CACNA2D1: variants seen among roughly 807,000 people sequenced by gnomAD.
CACNA2D1 encodes the protein voltage-dependent calcium channel subunit alpha-2/delta-1.
A neutral mutation model predicts 171.5 loss-of-function variants in CACNA2D1; 53 were observed. That is an observed-to-expected ratio of 0.31 (90% CI 0.25 to 0.39). The LOEUF is 0.39. Among genes scored for constraint, CACNA2D1 ranks in the 10% least tolerant of loss-of-function variants. CACNA2D1 has a pLI of 1.00. For synonymous variants in CACNA2D1, 442 were observed against 443.1 expected, an observed-to-expected ratio of 1.00 and a Z score of 0.03; for missense variants, 903 against 1,299.8, an observed-to-expected ratio of 0.69 and a Z score of 4.69.
At chr7:82,016,379 G>A (rs150899200) in intron 12 of CACNA2D1, among the ~76,000 whole-genome samples, 9 of 152,070 alleles carry the variant, frequency 5.9e-5, no homozygotes, top group East Asian at 3.9e-4. Flanking sequence ...AATTTTCAAC[G>A]GAAGCATGGC....
intron 3 of CACNA2D1, among the ~76,000 whole-genome samples, chr7:82,234,762 C>T (rs932728830): frequency 1.3e-5 from 2 of 152,084 alleles, no homozygotes; most frequent in African/African-American, 4.8e-5. Context: ...AACATACAAA[C>T]CTGATTTTTG....
At chr7:82,185,772 T>G (rs1042761716) in intron 3 of CACNA2D1, among the ~76,000 whole-genome samples, 8 of 152,028 alleles carry the variant, frequency 5.3e-5, no homozygotes, top group Non-Finnish European at 1.0e-4. Flanking sequence ...TTTAAGAGAT[T>G]TATTAATATT....
Position 82,415,915 on chromosome 7 carries a change from T to C in CACNA2D1, c.95+27450A>G, listed in dbSNP as rs535147408. Among the ~76,000 whole-genome samples, 5 of 152,062 alleles carry C rather than the reference T, an allele frequency of 3.3e-5. No homozygotes were observed. In the South Asian group the frequency reaches 1.0e-3, roughly 32 times the overall value. On this transcript the variant is annotated intron_variant, in intron 1 of 38. Coordinates refer to ENST00000356860, the MANE Select transcript of CACNA2D1 (RefSeq NM_000722.4). ...TGAATACTAAATAAAGGAATTATTT[T>C]AGAATTCCTTTAGAATTACAGGTGT...
intron 3 of CACNA2D1, among the ~76,000 whole-genome samples, chr7:82,333,224 C>A (rs543653376): frequency 9.9e-5 from 15 of 152,218 alleles, no homozygotes; most frequent in African/African-American, 3.6e-4. Flanking sequence ...TCCCAGTAGA[C>A]ATTTTCCTGG....
chr7:82,334,834 G>A (rs906786970), intron 3 of CACNA2D1, among the ~76,000 whole-genome samples: 2 of 152,018 alleles, frequency 1.3e-5, no homozygotes, highest in African/African-American at 4.8e-5. Flanking sequence ...GTATCATGAT[G>A]TACATATGGA....
chr7:82,169,046 T>C (rs948770069), intron 4 of CACNA2D1, among the ~76,000 whole-genome samples: 4 of 152,102 alleles, frequency 2.6e-5, no homozygotes, highest in African/African-American at 7.2e-5. Flanking sequence ...ACGCTTTATG[T>C]TGTGGGACAT....
At chr7:82,365,110 A>G (rs936800008) in intron 1 of CACNA2D1, among the ~76,000 whole-genome samples, 2 of 152,204 alleles carry the variant, frequency 1.3e-5, no homozygotes, top group African/African-American at 2.4e-5. Flanking sequence ...AGGGACAAGG[A>G]CATCTGGAAG....
intron 1 of CACNA2D1, among the ~76,000 whole-genome samples, chr7:82,413,077 T>C (rs1827837606): frequency 6.6e-6 from 1 of 152,186 alleles, no homozygotes; most frequent in South Asian, 2.1e-4. Context: ...CCCATATCTA[T>C]ATATTATTTC....
chr7:82,019,106 G>A (rs955096500), intron 12 of CACNA2D1, among the ~76,000 whole-genome samples: 2 of 151,850 alleles, frequency 1.3e-5, no homozygotes, highest in African/African-American at 4.8e-5. Flanking sequence ...TGGATCATGA[G>A]GTCAGGAGAT....
chr7:82,443,284 C>G, intron 1 of CACNA2D1, 81 bp downstream of exon 1: 1 of 1,417,762 alleles, frequency 7.1e-7, no homozygotes, highest in Non-Finnish European at 9.6e-7. Flanking sequence ...CGGAAAAGCC[C>G]CGCGACTCGG....
intron 1 of CACNA2D1, among the ~76,000 whole-genome samples, chr7:82,364,345 A>G (rs1356927602): frequency 6.6e-6 from 1 of 152,200 alleles, no homozygotes; most frequent in African/African-American, 2.4e-5. Flanking sequence ...TAGCTCAAGA[A>G]GTTCATAGCA....
At chr7:82,049,126 T>TAAAA (rs10652736) in intron 10 of CACNA2D1, among the ~76,000 whole-genome samples, 22 of 138,998 alleles carry the variant, frequency 1.6e-4, no homozygotes, top group Admixed American at 2.2e-4. Flanking sequence ...TGGCAACTCA[T>TAAAA]AAAAAAAAAA....
rs61203066 is a variant in CACNA2D1, at chr7:82,400,363, C to T, written c.95+43002G>A. ...GGAATGTTCTTCCATTTGTTTGTAT[C>T]CTCTTTTATTTCCTTGAGCAGTGAT... On this transcript the variant is annotated intron_variant, in intron 1 of 38. Transcript: ENST00000356860. Among the ~76,000 whole-genome samples, 509 of 151,950 alleles carry T rather than the reference C, an allele frequency of 3.3e-3. 1 individual carries two copies. Among genetic ancestry groups the T allele is most frequent in the African/African-American group, 0.012 (488 of 41,438 alleles).
In CACNA2D1 at chr7:82,251,554, TG is replaced by T. The variant is rs1189767092; in HGVS notation, c.295-80946del. Among the ~76,000 whole-genome samples, 3 of 152,312 alleles carry T rather than the reference TG, an allele frequency of 2.0e-5. No homozygotes were observed. In the East Asian group the frequency reaches 5.8e-4, roughly 29 times the overall value. On this transcript the variant is annotated intron_variant, in intron 3 of 38. Transcript: ENST00000356860. ...CATTGTGCTGTGACAACTAGATCCT[TG>T]TAAAGCAATTACTCCACTGGTTATC...
At chr7:82,382,134 C>T (rs1427445376) in intron 1 of CACNA2D1, among the ~76,000 whole-genome samples, 2 of 152,116 alleles carry the variant, frequency 1.3e-5, no homozygotes, top group Admixed American at 6.5e-5. Context: ...CAAATTGAAG[C>T]AGGGTTACAG....
intron 3 of CACNA2D1, among the ~76,000 whole-genome samples, chr7:82,324,678 G>A (rs1264000834): frequency 3.3e-5 from 5 of 152,044 alleles, no homozygotes; most frequent in Non-Finnish European, 1.5e-5. Flanking sequence ...TGTATCTGGG[G>A]CTTTCCATTT....
intron 4 of CACNA2D1, among the ~76,000 whole-genome samples, chr7:82,137,846 C>T (rs1290908096): frequency 1.3e-5 from 2 of 150,858 alleles, no homozygotes; most frequent in Non-Finnish European, 3.0e-5. Flanking sequence ...CGCGACAGAG[C>T]GAGACTCCGC....
intron 3 of CACNA2D1, among the ~76,000 whole-genome samples, chr7:82,237,203 T>G (rs1803686797): frequency 6.6e-6 from 1 of 151,926 alleles, no homozygotes; most frequent in African/African-American, 2.4e-5. Flanking sequence ...AAAAAAAATT[T>G]TACAAGTCTC....
chr7:82,262,970 G>C (rs1807320838), intron 3 of CACNA2D1, among the ~76,000 whole-genome samples: 1 of 152,052 alleles, frequency 6.6e-6, no homozygotes, highest in Admixed American at 6.6e-5. Context: ...CTCACCATTA[G>C]ATCATGCCTT....
Sources: gnomAD v4.1 joint callset for allele counts (sites outside exome capture counted in the v4.1 genomes callset) on GRCh38, gnomAD v4.1.1 for gene constraint, MANE v1.5 for transcripts, NCBI Gene and HGNC (gene_info 2026-07-23, HGNC 2026-07-21) for gene names.